VPS13B: variants seen among roughly 807,000 people sequenced by gnomAD.
VPS13B encodes the protein vacuolar protein sorting 13 homolog B, also known as intermembrane lipid transfer protein VPS13B.
Under a neutral mutation model 426.4 loss-of-function variants are expected in VPS13B, and 285 were observed. That is an observed-to-expected ratio of 0.67 (90% CI 0.61 to 0.74). VPS13B has a LOEUF of 0.74. VPS13B is among the 30% of genes least tolerant of loss of function. VPS13B has a pLI of 0.00. For synonymous variants in VPS13B, 1,676 were observed against 1,676.4 expected, an observed-to-expected ratio of 1.00 and a Z score of 0.01; for missense variants, 4,537 against 4,782.6, an observed-to-expected ratio of 0.95 and a Z score of 1.51.
At chr8:99,160,522 T>C (rs1437672253) in intron 15 of VPS13B, among the ~76,000 whole-genome samples, 1 of 151,304 alleles carries the variant, frequency 6.6e-6, no homozygotes, top group East Asian at 1.9e-4. Context: ...AGCCAGGCAT[T>C]GTGGTTGCGT....
chr8:99,806,851 G>T (rs1439575138), intron 43 of VPS13B, among the ~76,000 whole-genome samples: 2 of 152,178 alleles, frequency 1.3e-5, no homozygotes, highest in Non-Finnish European at 2.9e-5. Flanking sequence ...GTGCATATCT[G>T]AGCACTCACT....
chr8:99,292,747 CAATATACCCCA>C lies in VPS13B; in HGVS notation c.2824+17494_2824+17504del, dbSNP rs990619924. 3.3e-5 allele frequency among the ~76,000 whole-genome samples: 5 copies of C among 152,042 alleles called. No individual in the cohort carries two copies. In the East Asian group the frequency reaches 9.6e-4, roughly 29 times the overall value. ...TTAAATGGAATCTAAAAGGGGCACA[CAATATACCCCA>C]TATATTGCAGTTCTTGGGTAAATTT... is the stretch of plus-strand genomic sequence containing the variant. On this transcript the variant is annotated intron_variant, in intron 19 of 61. Transcript: ENST00000357162.
intron 39 of VPS13B, among the ~76,000 whole-genome samples, chr8:99,757,038 A>G (rs1588687306): frequency 6.6e-6 from 1 of 152,312 alleles, no homozygotes; most frequent in East Asian, 1.9e-4. Flanking sequence ...GTAAATTTGT[A>G]TCTTGTAGAG....
At chr8:99,415,300 G>C (rs915145319) in intron 21 of VPS13B, among the ~76,000 whole-genome samples, 2 of 151,812 alleles carry the variant, frequency 1.3e-5, no homozygotes, top group South Asian at 2.1e-4. Context: ...GGATATTCTA[G>C]TTAGCAATTC....
chr8:99,225,467 G>A (rs981671606), intron 17 of VPS13B, among the ~76,000 whole-genome samples: 5 of 151,956 alleles, frequency 3.3e-5, no homozygotes, highest in Non-Finnish European at 5.9e-5. Context: ...TAGTAGAGAT[G>A]GGGTTTCACC....
chr8:99,438,222 T>A (rs374489783), intron 22 of VPS13B, among the ~76,000 whole-genome samples: 1 of 152,166 alleles, frequency 6.6e-6, no homozygotes, highest in African/African-American at 2.4e-5. Flanking sequence ...AGTCAGGGTG[T>A]CTCAAGCAGC....
At chr8:99,193,086 A>G (rs1813694748) in intron 17 of VPS13B, 29 bp downstream of exon 17, 5 of 1,611,056 alleles carry the variant, frequency 3.1e-6, no homozygotes, top group South Asian at 1.1e-5. Flanking sequence ...TGATAACTAT[A>G]TGGAAAATTT....
At chr8:99,524,816 A>G (rs532536933) in intron 30 of VPS13B, among the ~76,000 whole-genome samples, 3 of 152,246 alleles carry the variant, frequency 2.0e-5, no homozygotes, top group African/African-American at 7.2e-5. Context: ...AAACCATACA[A>G]CTGAGCTCCA....
intron 21 of VPS13B, among the ~76,000 whole-genome samples, chr8:99,416,969 G>T (rs999899131): frequency 6.6e-5 from 10 of 152,102 alleles, no homozygotes; most frequent in Non-Finnish European, 7.4e-5. Flanking sequence ...TCTTCATCTT[G>T]TAAGCTCTTC....
chr8:99,394,544 C>G (rs575366404), intron 21 of VPS13B, among the ~76,000 whole-genome samples: 17 of 152,114 alleles, frequency 1.1e-4, no homozygotes, highest in Non-Finnish European at 2.4e-4. Flanking sequence ...TGAAGATAAT[C>G]TATTATCACA....
At chr8:99,829,716 T>C (rs1478822538) in intron 51 of VPS13B, among the ~76,000 whole-genome samples, 1 of 152,232 alleles carries the variant, frequency 6.6e-6, no homozygotes, top group Non-Finnish European at 1.5e-5. Context: ...TGCTGGTTTT[T>C]CCTCATCTTC....
chr8:99,810,388 A>C lies in VPS13B; in HGVS notation c.8097+858A>C, dbSNP rs192200144. Among the ~76,000 whole-genome samples the C allele has an allele frequency of 1.2e-3, 184 of 152,336 alleles. 1 individual carries two copies. The highest frequency in any genetic ancestry group is 1.3e-3 in the Non-Finnish European group (87 of 68,022). On this transcript the variant is annotated intron_variant, in intron 44 of 61. Coordinates refer to ENST00000357162, the MANE Select transcript of VPS13B (RefSeq NM_152564.5). Reference sequence around the variant, plus strand: ...GATAGAAACAGCACTTAGTCCCTGGAAAAGGGGAGCTTCCCCTATGGAGCA... The same window carrying C: ...GATAGAAACAGCACTTAGTCCCTGGCAAAGGGGAGCTTCCCCTATGGAGCA...
chr8:99,870,056 A>G (rs1817311629), intron 59 of VPS13B, among the ~76,000 whole-genome samples: 1 of 152,280 alleles, frequency 6.6e-6, no homozygotes, highest in Non-Finnish European at 1.5e-5. Flanking sequence ...TAAGTCGCTT[A>G]GCATTTAAGT....
intron 23 of VPS13B, among the ~76,000 whole-genome samples, chr8:99,451,718 A>C (rs1250884693): frequency 2.0e-5 from 3 of 152,102 alleles, no homozygotes; most frequent in Admixed American, 2.0e-4. Context: ...ATGGAACTCT[A>C]TCTCCGTAAT....
chr8:99,819,824 T>C, intron 48 of VPS13B, 97 bp from the exon 49 acceptor site: 2 of 1,470,904 alleles, frequency 1.4e-6, no homozygotes, highest in Non-Finnish European at 1.9e-6. Context: ...GGAGGTATCA[T>C]GCAGGAGCAT....
intron 17 of VPS13B, among the ~76,000 whole-genome samples, chr8:99,208,062 A>G (rs1814832956): frequency 6.6e-6 from 1 of 152,198 alleles, no homozygotes; most frequent in Non-Finnish European, 1.5e-5. Context: ...GTGACTTAAA[A>G]CAGCAAATTT....
chr8:99,501,305 T>C (rs1033777729), intron 25 of VPS13B, among the ~76,000 whole-genome samples: 2 of 152,218 alleles, frequency 1.3e-5, no homozygotes, highest in African/African-American at 4.8e-5. Context: ...AGAAGTCATA[T>C]GCAGTCAGTA....
At chr8:99,624,897 A>T (rs1164145860) in intron 33 of VPS13B, among the ~76,000 whole-genome samples, 1 of 150,850 alleles carries the variant, frequency 6.6e-6, no homozygotes, top group Non-Finnish European at 1.5e-5. Context: ...AGCTCACCAC[A>T]ACGTCCGCCT....
At chr8:99,176,992 C>G (rs1237829246) in intron 16 of VPS13B, among the ~76,000 whole-genome samples, 1 of 152,040 alleles carries the variant, frequency 6.6e-6, no homozygotes, top group Non-Finnish European at 1.5e-5. Context: ...TTCCTAGGTG[C>G]CATTAAGAAA....
Sources: gnomAD v4.1 joint callset for allele counts (sites outside exome capture counted in the v4.1 genomes callset) on GRCh38, gnomAD v4.1.1 for gene constraint, MANE v1.5 for transcripts, NCBI Gene and HGNC (gene_info 2026-07-23, HGNC 2026-07-21) for gene names.